PDE4B: variants seen among roughly 807,000 people sequenced by gnomAD.
The protein encoded by PDE4B is 3',5'-cyclic-AMP phosphodiesterase 4B.
Under a neutral mutation model 82.2 loss-of-function variants are expected in PDE4B, and 20 were observed. The ratio of observed to expected loss-of-function variants is 0.24; its 90% CI spans 0.17 to 0.35. The LOEUF (loss-of-function observed/expected upper bound fraction) is 0.35. Among genes scored for constraint, PDE4B ranks in the 10% least tolerant of loss-of-function variants. PDE4B has a pLI of 1.00. For synonymous variants in PDE4B, 320 were observed against 318.9 expected, an observed-to-expected ratio of 1.00 and a Z score of -0.04; for missense variants, 655 against 907.2, an observed-to-expected ratio of 0.72 and a Z score of 3.57.
chr1:66,251,770 A>G (rs893108295), intron 4 of PDE4B, among the ~76,000 whole-genome samples: 2 of 152,142 alleles, frequency 1.3e-5, no homozygotes, highest in Non-Finnish European at 2.9e-5. Flanking sequence ...ACCACAGCTC[A>G]GTGTGGTTGA....
At chr1:66,269,044 T>G (rs1655270901) in intron 7 of PDE4B, among the ~76,000 whole-genome samples, 1 of 152,190 alleles carries the variant, frequency 6.6e-6, no homozygotes, top group African/African-American at 2.4e-5. Flanking sequence ...TACATAAAAT[T>G]TGGGGACTTT....
chr1:66,364,993 A>G (rs1219078700), intron 12 of PDE4B, among the ~76,000 whole-genome samples: 2 of 152,178 alleles, frequency 1.3e-5, no homozygotes, highest in East Asian at 3.8e-4. Flanking sequence ...GCACCAGTAT[A>G]TACCTTATTA....
intron 3 of PDE4B, among the ~76,000 whole-genome samples, chr1:66,217,560 G>C (rs1433676086): frequency 6.6e-6 from 1 of 152,118 alleles, no homozygotes; most frequent in Non-Finnish European, 1.5e-5. Flanking sequence ...AGGAACCCAT[G>C]GTCAGTCCCT....
intron 1 of PDE4B, among the ~76,000 whole-genome samples, chr1:65,910,107 C>G (rs1359775443): frequency 6.6e-6 from 1 of 152,150 alleles, no homozygotes; most frequent in African/African-American, 2.4e-5. Flanking sequence ...CCTCACTTGT[C>G]TTGATAATTG....
chr1:65,837,206 T>A (rs1469816300), intron 1 of PDE4B, among the ~76,000 whole-genome samples: 1 of 152,138 alleles, frequency 6.6e-6, no homozygotes, highest in Non-Finnish European at 1.5e-5. Flanking sequence ...TTATATATCA[T>A]GTATTGTATA....
At chr1:65,836,535 G>C (rs531900090) in intron 1 of PDE4B, among the ~76,000 whole-genome samples, 45 of 152,244 alleles carry the variant, frequency 3.0e-4, no homozygotes, top group Middle Eastern at 3.4e-3. Flanking sequence ...GGCTGAACCA[G>C]GTAAACACCG....
chr1:66,163,227 C>G (rs1466428259), intron 3 of PDE4B, among the ~76,000 whole-genome samples: 4 of 152,194 alleles, frequency 2.6e-5, no homozygotes, highest in Non-Finnish European at 5.9e-5. Flanking sequence ...ATAAGATTTA[C>G]TGGTAGGTAG....
At chr1:66,250,133 A>G (rs1015012208) in intron 4 of PDE4B, among the ~76,000 whole-genome samples, 1 of 152,212 alleles carries the variant, frequency 6.6e-6, no homozygotes, top group Non-Finnish European at 1.5e-5. Context: ...AAGCTATTTC[A>G]TATGATTATT....
chr1:66,353,363 T>C (rs1396414416), intron 8 of PDE4B, among the ~76,000 whole-genome samples: 1 of 152,192 alleles, frequency 6.6e-6, no homozygotes, highest in Non-Finnish European at 1.5e-5. Flanking sequence ...AATACTGGCT[T>C]GCATTGGCTT....
chr1:66,096,400 C>T (rs1374603501), intron 3 of PDE4B, among the ~76,000 whole-genome samples: 2 of 150,316 alleles, frequency 1.3e-5, no homozygotes, highest in Non-Finnish European at 3.0e-5. Flanking sequence ...GCATAACAAC[C>T]ACCACAATTA....
At chr1:66,322,636 T>C (rs1327751571) in intron 7 of PDE4B, among the ~76,000 whole-genome samples, 4 of 151,928 alleles carry the variant, frequency 2.6e-5, no homozygotes, top group African/African-American at 9.6e-5. Context: ...GTTAGAATGG[T>C]GATCATTAAA....
intron 3 of PDE4B, among the ~76,000 whole-genome samples, chr1:65,924,682 G>C (rs1647405442): frequency 6.6e-6 from 1 of 152,194 alleles, no homozygotes; most frequent in African/African-American, 2.4e-5. Flanking sequence ...CAGTACTGTA[G>C]TCATGCATAT....
chr1:66,187,228 A>C (rs148539326), intron 3 of PDE4B, among the ~76,000 whole-genome samples: 3 of 151,490 alleles, frequency 2.0e-5, no homozygotes, highest in African/African-American at 7.3e-5. Context: ...TGCTGGATTC[A>C]GTTTGCCAGT....
intron 3 of PDE4B, among the ~76,000 whole-genome samples, chr1:66,126,079 T>TACAG (rs1440544450): frequency 2.0e-5 from 3 of 152,218 alleles, no homozygotes; most frequent in Non-Finnish European, 4.4e-5. Flanking sequence ...GTGTTGGGAT[T>TACAG]ACAGGCGTGA....
At chr1:66,122,272 G>A (rs1228613496) in intron 3 of PDE4B, among the ~76,000 whole-genome samples, 2 of 151,976 alleles carry the variant, frequency 1.3e-5, no homozygotes, top group African/African-American at 4.8e-5. Context: ...CATGTGCCAG[G>A]GACATGTTAA....
At chr1:65,851,236 C>G (rs1377262862) in intron 1 of PDE4B, among the ~76,000 whole-genome samples, 1 of 152,078 alleles carries the variant, frequency 6.6e-6, no homozygotes, top group Non-Finnish European at 1.5e-5. Flanking sequence ...GTAAAATTTG[C>G]CATCCAACAG....
chr1:65,892,976 A>G (rs375647015), intron 1 of PDE4B, among the ~76,000 whole-genome samples: 2 of 152,150 alleles, frequency 1.3e-5, no homozygotes, highest in African/African-American at 2.4e-5. Flanking sequence ...AAACATTACC[A>G]TGAAAGTAAA....
intron 1 of PDE4B, among the ~76,000 whole-genome samples, chr1:65,824,149 C>G (rs1048175112): frequency 6.6e-6 from 1 of 152,056 alleles, no homozygotes; most frequent in African/African-American, 2.4e-5. Context: ...TCAGGATTGT[C>G]TTTTTTTATT....
intron 3 of PDE4B, among the ~76,000 whole-genome samples, chr1:66,047,451 TC>T (rs1402974637): frequency 6.6e-6 from 1 of 151,882 alleles, no homozygotes; most frequent in African/African-American, 2.4e-5. Context: ...AGCCTAGAAG[TC>T]CCTGTACAAC....
Sources: allele counts gnomAD v4.1 joint callset (sites outside exome capture counted in the v4.1 genomes callset), GRCh38; gene constraint gnomAD v4.1.1; transcripts MANE v1.5; gene names NCBI Gene and HGNC (gene_info 2026-07-23, HGNC 2026-07-21).